NCOA7: variants seen among roughly 807,000 people sequenced by gnomAD.
NCOA7 encodes the protein nuclear receptor coactivator 7, also known as 140 kDa estrogen receptor-associated protein.
Under a neutral mutation model 104.3 loss-of-function variants are expected in NCOA7, and 45 were observed. The observed-to-expected ratio is 0.43, with a 90% CI of 0.34 to 0.55. The LOEUF is 0.55. Ranked by LOEUF, NCOA7 falls within the 20% of genes least tolerant of loss-of-function variation. NCOA7 has a pLI of 0.02. For synonymous variants in NCOA7, 398 were observed against 402.3 expected, an observed-to-expected ratio of 0.99 and a Z score of 0.13; for missense variants, 1,041 against 1,119.7, an observed-to-expected ratio of 0.93 and a Z score of 1.00.
intron 3 of NCOA7, among the ~76,000 whole-genome samples, chr6:125,856,057 C>CTGT (rs1781522681): frequency 6.6e-6 from 1 of 152,158 alleles, no homozygotes; most frequent in African/African-American, 2.4e-5. Flanking sequence ...CTCACACCTA[C>CTGT]TGTTCTATCA....
chr6:125,925,328 G>A (rs557079776), intron 13 of NCOA7, among the ~76,000 whole-genome samples: 1 of 152,338 alleles, frequency 6.6e-6, no homozygotes, highest in South Asian at 2.1e-4. Flanking sequence ...AAATTAAACT[G>A]TAGACCATCT....
chr6:125,928,320 C>A, intron 15 of NCOA7, 73 bp downstream of exon 15: 1 of 1,366,278 alleles, frequency 7.3e-7, no homozygotes, highest in Non-Finnish European at 1.0e-6. Flanking sequence ...TTTTGACCTA[C>A]GTAGTTAAAA....
chr6:125,868,592 A>C (rs558015645), intron 3 of NCOA7, among the ~76,000 whole-genome samples: 11 of 152,364 alleles, frequency 7.2e-5, no homozygotes, highest in African/African-American at 2.6e-4. Flanking sequence ...GTTTGATGAC[A>C]TAAGTGAGAT....
At chr6:125,801,030 A>G (rs1458993095) in intron 1 of NCOA7, among the ~76,000 whole-genome samples, 1 of 152,224 alleles carries the variant, frequency 6.6e-6, no homozygotes, top group African/African-American at 2.4e-5. Context: ...GTGAGACGCC[A>G]TCTCAAAAAA....
At chr6:125,915,934 T>G (rs1787034112) in intron 11 of NCOA7, among the ~76,000 whole-genome samples, 1 of 152,232 alleles carries the variant, frequency 6.6e-6, no homozygotes, top group African/African-American at 2.4e-5. Flanking sequence ...TTATTAATTT[T>G]TATTGAATCC....
At chr6:125,922,377 G>T (rs1482705402) in intron 12 of NCOA7, among the ~76,000 whole-genome samples, 1 of 152,138 alleles carries the variant, frequency 6.6e-6, no homozygotes, top group Non-Finnish European at 1.5e-5. Context: ...GAAAGGAAGG[G>T]CATGTGTCTA....
rs1783533933 is a variant in NCOA7 at position 125,878,180 on chromosome 6, A to G, written c.352-83A>G. 4.4e-6 allele frequency: 3 copies of G among 679,374 alleles called. No individual in the cohort carries two copies. The South Asian group carries it at 8.0e-5, about 18-fold the overall frequency. 42.1% of individuals were successfully genotyped at this position (679,374 alleles called of 1,614,324 possible). On this transcript the variant is annotated intron_variant, in intron 4 of 15. Coordinates refer to ENST00000392477, the MANE Select transcript of NCOA7 (RefSeq NM_181782.5). The stretch of plus-strand genomic sequence containing the variant: ...GGAACTATTAGTTTGTTATTTATTC[A>G]TATTGCAGATAAATTAATAGTATCT...
chr6:125,907,725 T>A (rs1786149922), intron 10 of NCOA7, among the ~76,000 whole-genome samples: 1 of 152,092 alleles, frequency 6.6e-6, no homozygotes, highest in South Asian at 2.1e-4. Flanking sequence ...GATGGGGTGT[T>A]TGGGCACATT....
At chr6:125,864,174 G>A in intron 3 of NCOA7, among the ~76,000 whole-genome samples, 1 of 137,178 alleles carries the variant, frequency 7.3e-6, no homozygotes, top group Non-Finnish European at 1.5e-5. Context: ...TAAAGTAGCA[G>A]GAATATGAAA....
intron 1 of NCOA7, among the ~76,000 whole-genome samples, chr6:125,814,370 G>A (rs114931232): frequency 0.024 from 3,663 of 152,196 alleles, 131 homozygotes; most frequent in African/African-American, 0.079. Context: ...TGGCCAGGCC[G>A]GTCTCAAACT....
chr6:125,852,595 A>G (rs1329295182), intron 2 of NCOA7, among the ~76,000 whole-genome samples: 4 of 152,132 alleles, frequency 2.6e-5, no homozygotes, highest in Non-Finnish European at 5.9e-5. Flanking sequence ...ATGGTGAGAG[A>G]TAAGGGATGC....
At chr6:125,894,412 C>A (rs1784848540) in intron 10 of NCOA7, among the ~76,000 whole-genome samples, 1 of 152,174 alleles carries the variant, frequency 6.6e-6, no homozygotes, top group Non-Finnish European at 1.5e-5. Flanking sequence ...TCACTACTGT[C>A]CCCTTCCCTA....
intron 4 of NCOA7, among the ~76,000 whole-genome samples, chr6:125,877,376 A>G (rs1562961630): frequency 6.6e-6 from 1 of 152,310 alleles, no homozygotes; most frequent in African/African-American, 2.4e-5. Context: ...TTCTGCTTAC[A>G]AAGAACTTAT....
chr6:125,916,327 T>G (rs1026471207), intron 11 of NCOA7, among the ~76,000 whole-genome samples: 19 of 152,240 alleles, frequency 1.2e-4, no homozygotes, highest in African/African-American at 4.3e-4. Context: ...CTCTTTTGTT[T>G]GTAAATTACT....
intron 3 of NCOA7, among the ~76,000 whole-genome samples, chr6:125,873,356 T>G (rs867037270): frequency 7.2e-5 from 11 of 152,222 alleles, no homozygotes; most frequent in African/African-American, 2.4e-4. Flanking sequence ...GTTTTTATTT[T>G]TATGTACCTA....
chr6:125,887,200 C>T (rs545654324), intron 8 of NCOA7, among the ~76,000 whole-genome samples: 22 of 152,206 alleles, frequency 1.4e-4, no homozygotes, highest in African/African-American at 2.4e-4. Context: ...TTGTGGGGGT[C>T]AAGCTAGGTA....
At chr6:125,844,082 ACCAC>A (rs1371858333) in intron 2 of NCOA7, among the ~76,000 whole-genome samples, 1 of 152,180 alleles carries the variant, frequency 6.6e-6, no homozygotes, top group East Asian at 1.9e-4. Flanking sequence ...CTGCTGACCC[ACCAC>A]TGTTTTAACA....
In NCOA7 at chr6:125,864,013, G is replaced by A. The variant is rs181267460; in HGVS notation, c.271+8773G>A. Reference sequence around the variant, plus strand: ...TGATGGTTGAAGAGTGATGTGGTCAGGTTTTTTTGGGGGGGGCAGTTTGGC... The same window carrying A: ...TGATGGTTGAAGAGTGATGTGGTCAAGTTTTTTTGGGGGGGGCAGTTTGGC... On this transcript the variant is annotated intron_variant, in intron 3 of 15. Transcript: ENST00000392477. Among the ~76,000 whole-genome samples, 9 of 129,700 alleles carry A rather than the reference G, an allele frequency of 6.9e-5. 2 individuals carry two copies. The East Asian group carries it at 1.9e-3, about 27-fold the overall frequency. 85.1% of individuals were successfully genotyped at this position (129,700 alleles called of 152,430 possible).
intron 2 of NCOA7, among the ~76,000 whole-genome samples, chr6:125,837,567 G>C (rs1024192290): frequency 6.6e-6 from 1 of 152,056 alleles, no homozygotes; most frequent in East Asian, 1.9e-4. Flanking sequence ...TCCAGTCAGT[G>C]TATCTCCTCA....
Sources: gnomAD v4.1 joint callset for allele counts (sites outside exome capture counted in the v4.1 genomes callset) on GRCh38, gnomAD v4.1.1 for gene constraint, MANE v1.5 for transcripts, NCBI Gene and HGNC (gene_info 2026-07-23, HGNC 2026-07-21) for gene names.